The following SORCS3 variants were observed in gnomAD, a reference collection of about 807,000 sequenced individuals.
The protein encoded by SORCS3 is sortilin related VPS10 domain containing receptor 3, also known as VPS10 domain-containing receptor SorCS3.
SORCS3 carries 57 observed loss-of-function variants against 146.3 expected under a neutral mutation model. The ratio of observed to expected loss-of-function variants is 0.39; its 90% confidence interval spans 0.31 to 0.49. SORCS3 has a LOEUF of 0.49. Among genes scored for constraint, SORCS3 ranks in the 20% least tolerant of loss-of-function variants. The pLI is 0.92. For synonymous variants in SORCS3, 653 were observed against 618.5 expected, an observed-to-expected ratio of 1.06 and a Z score of -0.83; for missense variants, 1,341 against 1,575.5, an observed-to-expected ratio of 0.85 and a Z score of 2.52.
chr10:105,034,457 G>A (rs549245384), intron 4 of SORCS3, among the ~76,000 whole-genome samples: 106 of 152,278 alleles, frequency 7.0e-4, no homozygotes, highest in African/African-American at 2.4e-3. Flanking sequence ...TGGGAGATGA[G>A]CATGATGTCA....
intron 14 of SORCS3, among the ~76,000 whole-genome samples, chr10:105,185,276 G>T (rs551514155): frequency 1.3e-5 from 2 of 152,276 alleles, no homozygotes; most frequent in South Asian, 4.1e-4. Flanking sequence ...GGGGCTCACA[G>T]TGACTCACAG....
At chr10:104,707,241 C>T (rs2016346804) in intron 1 of SORCS3, among the ~76,000 whole-genome samples, 1 of 152,178 alleles carries the variant, frequency 6.6e-6, no homozygotes, top group Non-Finnish European at 1.5e-5. Flanking sequence ...CTTAGTGTTT[C>T]ATGGTTTAGT....
At chr10:104,804,484 A>G (rs146558636) in intron 1 of SORCS3, among the ~76,000 whole-genome samples, 2,983 of 152,222 alleles carry the variant, frequency 0.02, 54 homozygotes, top group Middle Eastern at 0.068. Flanking sequence ...GCATGATTTT[A>G]TATATTCTTC....
At chr10:105,094,408 G>A (rs1049571275) in intron 6 of SORCS3, among the ~76,000 whole-genome samples, 1 of 152,152 alleles carries the variant, frequency 6.6e-6, no homozygotes, top group African/African-American at 2.4e-5. Context: ...ATAAAAGCTA[G>A]GAGGCATAGT....
chr10:105,079,585 GT>G (rs2055609871), intron 5 of SORCS3, among the ~76,000 whole-genome samples: 1 of 152,048 alleles, frequency 6.6e-6, no homozygotes, highest in Non-Finnish European at 1.5e-5. Context: ...AAACTTTTAT[GT>G]TTGGTTCAGG....
intron 1 of SORCS3, among the ~76,000 whole-genome samples, chr10:104,693,840 C>T (rs1347397157): frequency 6.6e-6 from 1 of 152,128 alleles, no homozygotes; most frequent in Non-Finnish European, 1.5e-5. Flanking sequence ...GTTCTCTTCC[C>T]CCATGTGCCA....
At chr10:105,100,282 T>C (rs1441763124) in intron 6 of SORCS3, among the ~76,000 whole-genome samples, 1 of 152,194 alleles carries the variant, frequency 6.6e-6, no homozygotes, top group African/African-American at 2.4e-5. Context: ...TTTAGAAATA[T>C]ATTAAGCATG....
chr10:104,835,705 A>G (rs1466143480), intron 1 of SORCS3, among the ~76,000 whole-genome samples: 4 of 152,294 alleles, frequency 2.6e-5, no homozygotes, highest in Middle Eastern at 3.4e-3. Flanking sequence ...GGCCTCCTGC[A>G]TTGCAGTTAG....
At chr10:104,772,859 A>G (rs2017267563) in intron 1 of SORCS3, among the ~76,000 whole-genome samples, 1 of 152,228 alleles carries the variant, frequency 6.6e-6, no homozygotes, top group Non-Finnish European at 1.5e-5. Flanking sequence ...AATTCATCAA[A>G]AAGCACATAT....
At chr10:105,208,536 T>C (rs1300444549) in intron 16 of SORCS3, among the ~76,000 whole-genome samples, 1 of 151,400 alleles carries the variant, frequency 6.6e-6, no homozygotes, top group Non-Finnish European at 1.5e-5. Flanking sequence ...TGGGGAGAGA[T>C]AGCTAGTACC....
At chr10:104,972,967 C>T (rs2054870074) in intron 3 of SORCS3, among the ~76,000 whole-genome samples, 2 of 152,232 alleles carry the variant, frequency 1.3e-5, no homozygotes, top group South Asian at 4.1e-4. Flanking sequence ...TGGTTTTTGT[C>T]TTTGGTTCTG....
At chr10:104,744,398 A>T (rs1404891087) in intron 1 of SORCS3, among the ~76,000 whole-genome samples, 1 of 152,196 alleles carries the variant, frequency 6.6e-6, no homozygotes. Context: ...TTCTATTATA[A>T]TAATGGTGAT....
intron 1 of SORCS3, among the ~76,000 whole-genome samples, chr10:104,704,013 G>A (rs12416283): frequency 0.19 from 29,649 of 152,084 alleles, 3,162 homozygotes; most frequent in Non-Finnish European, 0.25. Flanking sequence ...CTACTTCAGT[G>A]GCCTTTGGGT....
chr10:105,106,743 G>A (rs539433085), intron 7 of SORCS3, among the ~76,000 whole-genome samples: 2 of 152,304 alleles, frequency 1.3e-5, no homozygotes, highest in African/African-American at 4.8e-5. Flanking sequence ...GAGTGAAACA[G>A]GAAGGTTCTG....
intron 1 of SORCS3, among the ~76,000 whole-genome samples, chr10:104,674,617 G>T (rs1449421548): frequency 6.6e-6 from 1 of 152,202 alleles, no homozygotes; most frequent in Non-Finnish European, 1.5e-5. Flanking sequence ...AAAATTGTGA[G>T]CTGGAAGACC....
intron 1 of SORCS3, among the ~76,000 whole-genome samples, chr10:104,741,791 A>T (rs1589481041): frequency 9.3e-6 from 1 of 107,152 alleles, no homozygotes. Context: ...AAATTGCCAG[A>T]TGGTTCTTTT....
intron 20 of SORCS3, among the ~76,000 whole-genome samples, chr10:105,242,361 T>TAC (rs1564793281): frequency 8.1e-6 from 1 of 123,398 alleles, no homozygotes; most frequent in African/African-American, 3.2e-5. Context: ...CATATATTTA[T>TAC]ATATATTTAT....
intron 1 of SORCS3, among the ~76,000 whole-genome samples, chr10:104,756,007 C>T (rs1024872480): frequency 6.6e-6 from 1 of 152,140 alleles, no homozygotes; most frequent in Middle Eastern, 3.2e-3. Flanking sequence ...GGGGAGCCAG[C>T]CCCTGCTTCC....
chr10:104,756,719 C>G (rs546005431), intron 1 of SORCS3, among the ~76,000 whole-genome samples: 47 of 152,290 alleles, frequency 3.1e-4, no homozygotes, highest in South Asian at 8.3e-4. Flanking sequence ...TCAGATGGCA[C>G]CGATCCTCAG....
Sources: allele counts gnomAD v4.1 joint callset (sites outside exome capture counted in the v4.1 genomes callset), GRCh38; gene constraint gnomAD v4.1.1; transcripts MANE v1.5; gene names NCBI Gene and HGNC (gene_info 2026-07-23, HGNC 2026-07-21).